The following HDAC9 variants were observed in gnomAD, a reference collection of about 807,000 sequenced individuals.
HDAC9 encodes histone deacetylase 9, also known as MEF-2 interacting transcription repressor (MITR) protein.
HDAC9 carries 41 observed loss-of-function variants against 139.4 expected under a neutral mutation model. The observed-to-expected ratio is 0.29, with a 90% confidence interval of 0.23 to 0.38. The LOEUF is 0.38. Ranked by LOEUF, HDAC9 falls within the 10% of genes least tolerant of loss-of-function variation. The probability of loss-of-function intolerance (pLI) is 1.00; values close to 1 mark genes in which losing one functional copy is unlikely to be tolerated. For missense variants in HDAC9, 1,147 were observed against 1,297.0 expected, an observed-to-expected ratio of 0.88 and a Z score of 1.78; for synonymous variants, 517 against 476.2, an observed-to-expected ratio of 1.09 and a Z score of -1.12.
rs150118915 is a variant in HDAC9, at chr7:18,511,270, T to C, written c.22+14946T>C. On this transcript the variant is annotated intron_variant, in intron 2 of 25. Coordinates refer to ENST00000686413, the MANE Select transcript of HDAC9 (RefSeq NM_178425.4). ...CGTAGTACCCCTAGTCTCTCACTAT[T>C]TATTATCCCAGTAATTAAATGGACA... Among the ~76,000 whole-genome samples, 1,438 of 152,316 alleles carry C rather than the reference T, an allele frequency of 9.4e-3. 24 individuals carry two copies. The highest frequency in any genetic ancestry group is 0.033 in the African/African-American group (1,359 of 41,566).
intron 2 of HDAC9, among the ~76,000 whole-genome samples, chr7:18,169,028 C>T (rs546980229): frequency 3.5e-4 from 53 of 151,792 alleles, no homozygotes; most frequent in Non-Finnish European, 4.6e-4. Flanking sequence ...ACCTCCGCCT[C>T]TTGGGTTCAA....
At chr7:18,545,776 C>T (rs1814593424) in intron 2 of HDAC9, among the ~76,000 whole-genome samples, 1 of 152,126 alleles carries the variant, frequency 6.6e-6, no homozygotes, top group Admixed American at 6.5e-5. Flanking sequence ...CACATGTGCA[C>T]TGTAGTGTCA....
In HDAC9 at chr7:18,590,622, C is replaced by T. The variant is rs930024848; in HGVS notation, c.415+136C>T. ...TTTAATTAAAAGCATAGATTACAGA[C>T]CCAACTGTAAAGTTTTGACATTTAC... On this transcript the variant is annotated intron_variant, in intron 4 of 25. Transcript: ENST00000686413. The T allele has an allele frequency of 1.8e-5, 16 of 899,860 alleles. No homozygotes were observed. In the African/African-American group the frequency reaches 2.2e-4, roughly 12 times the overall value. 55.7% of individuals were successfully genotyped at this position (899,860 alleles called of 1,614,324 possible). A position where few individuals can be genotyped will look rare whatever the true frequency, so the allele number is the denominator to read the frequency against.
intron 12 of HDAC9, among the ~76,000 whole-genome samples, chr7:18,726,913 G>C (rs957869953): frequency 2.6e-5 from 4 of 151,936 alleles, no homozygotes; most frequent in Non-Finnish European, 5.9e-5. Flanking sequence ...TCACTGATTC[G>C]GTAAGTTGGG....
intron 21 of HDAC9, among the ~76,000 whole-genome samples, chr7:18,848,706 A>G (rs1797070883): frequency 6.6e-6 from 1 of 152,096 alleles, no homozygotes. Context: ...AATAAGACAG[A>G]CACTATAAAG....
At chr7:18,995,994 G>T (rs200472551) in intron 25 of HDAC9, 29 bp from the exon 26 acceptor site, 2 of 1,565,020 alleles carry the variant, frequency 1.3e-6, no homozygotes, top group Non-Finnish European at 1.7e-6. Context: ...CTCTTATGCC[G>T]TATTCTGATT....
chr7:18,492,658 T>A (rs1211976270), upstream of HDAC9, among the ~76,000 whole-genome samples: 1 of 152,002 alleles, frequency 6.6e-6, no homozygotes, highest in African/African-American at 2.4e-5. Flanking sequence ...GCCTGACATT[T>A]GTATTAGCTT....
intron 2 of HDAC9, among the ~76,000 whole-genome samples, chr7:18,542,491 C>T (rs1186459897): frequency 6.6e-6 from 1 of 152,096 alleles, no homozygotes; most frequent in Non-Finnish European, 1.5e-5. Flanking sequence ...TAAATGTTAG[C>T]AATAGTCCTA....
intron 1 of HDAC9, among the ~76,000 whole-genome samples, chr7:18,401,910 A>G (rs936264340): frequency 1.3e-4 from 20 of 152,094 alleles, no homozygotes; most frequent in Non-Finnish European, 2.9e-4. Flanking sequence ...ACTTTTGTTG[A>G]TATTCTCAAT....
intron 22 of HDAC9, among the ~76,000 whole-genome samples, chr7:18,900,601 C>G (rs374754845): frequency 6.6e-6 from 1 of 152,094 alleles, no homozygotes; most frequent in African/African-American, 2.4e-5. Context: ...AGTCATAGTC[C>G]GGACAAGATC....
In HDAC9 at chr7:18,175,096, C is replaced by T. The variant is rs1788777763; in HGVS notation, c.25+12747C>T. On this transcript the variant is annotated intron_variant, in intron 2 of 12. Coordinates refer to the HDAC9 transcript ENST00000417496. ...TACAGAGGCAGCGGGCCTTGCTGAG[C>T]TGTGGTGGGCTCCACCTAATTCTAG... 2.6e-5 allele frequency among the ~76,000 whole-genome samples: 4 copies of T among 152,308 alleles called. No individual in the cohort carries two copies. In the South Asian group the frequency reaches 8.3e-4, roughly 32 times the overall value.
At chr7:18,200,412 C>T (rs1477360080) in intron 2 of HDAC9, among the ~76,000 whole-genome samples, 1 of 152,148 alleles carries the variant, frequency 6.6e-6, no homozygotes, top group Non-Finnish European at 1.5e-5. Flanking sequence ...GAAAACTTCA[C>T]TCAAAGGCTG....
intron 1 of HDAC9, among the ~76,000 whole-genome samples, chr7:18,143,309 A>G (rs2128111651): frequency 6.6e-6 from 1 of 152,310 alleles, no homozygotes; most frequent in African/African-American, 2.4e-5. Context: ...TTCTTACCAC[A>G]CAACTGACTA....
chr7:18,093,658 A>C (rs1194824421), intron 1 of HDAC9, among the ~76,000 whole-genome samples: 1 of 152,206 alleles, frequency 6.6e-6, no homozygotes, highest in African/African-American at 2.4e-5. Flanking sequence ...GATTTCTACT[A>C]TTAAATTAAA....
intron 13 of HDAC9, among the ~76,000 whole-genome samples, chr7:18,747,450 C>A (rs1335182461): frequency 6.6e-6 from 1 of 152,080 alleles, no homozygotes; most frequent in South Asian, 2.1e-4. Context: ...GGAGGGGGAG[C>A]GTCAAGGGGA....
chr7:18,848,442 G>A (rs1216927390), intron 21 of HDAC9, among the ~76,000 whole-genome samples: 1 of 151,990 alleles, frequency 6.6e-6, no homozygotes, highest in Non-Finnish European at 1.5e-5. Flanking sequence ...CTTGAGGGTA[G>A]GTGCCCTTAT....
chr7:18,200,394 G>C (rs1425684485), intron 2 of HDAC9, among the ~76,000 whole-genome samples: 2 of 152,130 alleles, frequency 1.3e-5, no homozygotes, highest in African/African-American at 4.8e-5. Flanking sequence ...GTTTTGGCTG[G>C]ATCCCTGGAA....
At chr7:18,732,479 G>C (rs1372519004) in intron 13 of HDAC9, among the ~76,000 whole-genome samples, 3 of 120,078 alleles carry the variant, frequency 2.5e-5, no homozygotes, top group Admixed American at 8.1e-5. Flanking sequence ...TGTATATACA[G>C]TGTATATATG....
intron 2 of HDAC9, among the ~76,000 whole-genome samples, chr7:18,518,239 G>A (rs1478096141): frequency 6.6e-6 from 1 of 152,060 alleles, no homozygotes; most frequent in Admixed American, 6.6e-5. Context: ...ATTTATTTGG[G>A]AACTTCTTCT....
Sources: allele counts gnomAD v4.1 joint callset (sites outside exome capture counted in the v4.1 genomes callset), GRCh38; gene constraint gnomAD v4.1.1; transcripts MANE v1.5; gene names NCBI Gene and HGNC (gene_info 2026-07-23, HGNC 2026-07-21).